Variants in MPZL1 observed in about 807,000 individuals in gnomAD.
MPZL1 encodes the protein myelin protein zero like 1.
In MPZL1, 16 loss-of-function variants were observed where a neutral mutation model predicts 29.3. The ratio of observed to expected loss-of-function variants is 0.55; its 90% CI spans 0.37 to 0.83. The LOEUF (loss-of-function observed/expected upper bound fraction) is 0.83, where lower values mean the gene tolerates loss of function less well. Among genes scored for constraint, MPZL1 ranks in the 40% least tolerant of loss-of-function variants. The pLI, the probability that MPZL1 is intolerant of heterozygous loss-of-function variation, is 0.00. For synonymous variants in MPZL1, 143 were observed against 132.0 expected (o/e 1.08, Z -0.57); for missense variants, 279 against 332.9 (o/e 0.84, Z 1.26).
intron 2 of MPZL1, among the ~76,000 whole-genome samples, chr1:167,771,497 G>A (rs1478585268): frequency 6.6e-6 from 1 of 152,032 alleles, no homozygotes; most frequent in African/African-American, 2.4e-5. Flanking sequence ...CGTTCTCAAT[G>A]GTCGCTGTCT....
At chr1:167,744,577 G>T (rs1000314833) in intron 1 of MPZL1, among the ~76,000 whole-genome samples, 1 of 151,622 alleles carries the variant, frequency 6.6e-6, no homozygotes, top group Non-Finnish European at 1.5e-5. Flanking sequence ...CCAGCTACTT[G>T]GGAGGCTGAG....
chr1:167,727,822 C>A (rs12566176), intron 1 of MPZL1, among the ~76,000 whole-genome samples: 25,559 of 151,452 alleles, frequency 0.17, 2,236 homozygotes, highest in East Asian at 0.2. Context: ...ATCTTTATAT[C>A]TTTGCCTTTA....
Position 167,789,131 on chromosome 1 carries a change from T to C in MPZL1, c.*1210T>C, listed in dbSNP as rs1390471084. On this transcript the variant is annotated 3_prime_UTR_variant, in exon 6 of 6. Coordinates refer to ENST00000359523, the MANE Select transcript of MPZL1 (RefSeq NM_003953.6). ...TGTTGAGGTTAATGAGAGCCTAGAT[T>C]AGACAGTTTGGCTGTCCTTCCCTAA... 6.6e-6 allele frequency: 1 copy of C among 152,196 alleles called. No individual in the cohort carries two copies. Among genetic ancestry groups the C allele is most frequent in the Admixed American group, 6.5e-5 (1 of 15,278 alleles). The allele number at this position is 152,196 out of a possible 1,614,324, so 9.4% of individuals were successfully genotyped here.
At chr1:167,756,432 T>A (rs1660870745) in intron 1 of MPZL1, among the ~76,000 whole-genome samples, 1 of 74,920 alleles carries the variant, frequency 1.3e-5, no homozygotes, top group African/African-American at 6.2e-5. Context: ...TGGCCAGATT[T>A]TTTTTTTTTT....
chr1:167,791,285 G>C lies in MPZL1; in HGVS notation c.*3364G>C, dbSNP rs10753763. 0.81 allele frequency: 123,380 copies of C among 152,254 alleles called. 50,250 individuals are homozygous for C. Among genetic ancestry groups the C allele is most frequent in the African/African-American group, 0.89 (36,967 of 41,532 alleles). The allele number at this position is 152,254 out of a possible 1,614,324, so 9.4% of individuals were successfully genotyped here. A position where few individuals can be genotyped will look rare whatever the true frequency, so the allele number is the denominator to read the frequency against. On this transcript the variant is annotated 3_prime_UTR_variant, in exon 6 of 6. Transcript: ENST00000359523. Reference sequence around the variant, plus strand: ...CACTTAGCTGCTCAATACATGTTACGTGGATGGATGAGTAGGTGGAAGCAT... The same window carrying C: ...CACTTAGCTGCTCAATACATGTTACCTGGATGGATGAGTAGGTGGAAGCAT...
At chr1:167,726,345 G>A (rs1660145962) in intron 1 of MPZL1, among the ~76,000 whole-genome samples, 1 of 152,078 alleles carries the variant, frequency 6.6e-6, no homozygotes, top group Non-Finnish European at 1.5e-5. Context: ...CTTCCTTATT[G>A]TAATTTCTAT....
At chr1:167,758,284 G>A (rs541392627) in intron 1 of MPZL1, among the ~76,000 whole-genome samples, 1 of 152,236 alleles carries the variant, frequency 6.6e-6, no homozygotes, top group African/African-American at 2.4e-5. Flanking sequence ...TGCTGTGAAC[G>A]TGTTTATTTG....
At chr1:167,770,376 C>A (rs1571164007) in intron 2 of MPZL1, among the ~76,000 whole-genome samples, 1 of 152,216 alleles carries the variant, frequency 6.6e-6, no homozygotes, top group South Asian at 2.1e-4. Flanking sequence ...TGGGCCTTAA[C>A]CCTGCTTCCA....
At chr1:167,736,622 C>T (rs903191910) in intron 1 of MPZL1, among the ~76,000 whole-genome samples, 2 of 152,196 alleles carry the variant, frequency 1.3e-5, no homozygotes, top group South Asian at 2.1e-4. Context: ...TTCCTCACCT[C>T]ACCTCCCTGG....
intron 2 of MPZL1, among the ~76,000 whole-genome samples, chr1:167,770,764 TG>T (rs1205640278): frequency 6.6e-6 from 1 of 152,204 alleles, no homozygotes; most frequent in Non-Finnish European, 1.5e-5. Flanking sequence ...AATTTTACTC[TG>T]GGTCCCCAAT....
chr1:167,739,900 C>T lies in MPZL1; in HGVS notation c.91+17658C>T, dbSNP rs189279708. Among the ~76,000 whole-genome samples, 141 of 152,260 alleles carry T rather than the reference C, an allele frequency of 9.3e-4. 1 individual carries two copies. Among genetic ancestry groups the T allele is most frequent in the African/African-American group, 3.2e-3 (135 of 41,546 alleles). On this transcript the variant is annotated intron_variant, in intron 1 of 5. Coordinates refer to ENST00000359523, the MANE Select transcript of MPZL1 (RefSeq NM_003953.6). Reference sequence around the variant, plus strand: ...ACCATATCCTTTTATAGTTTCACTACGACAGTTTCTGGAGCTCATCAAGTC... The same window carrying T: ...ACCATATCCTTTTATAGTTTCACTATGACAGTTTCTGGAGCTCATCAAGTC...
At chr1:167,786,760 CT>C (rs1285646616) in intron 5 of MPZL1, among the ~76,000 whole-genome samples, 3 of 152,136 alleles carry the variant, frequency 2.0e-5, no homozygotes, top group African/African-American at 7.2e-5. Flanking sequence ...AAACCACGTG[CT>C]TTTGGCTATT....
chr1:167,722,419 G>T (rs1053496502), intron 1 of MPZL1, among the ~76,000 whole-genome samples, 177 bp downstream of exon 1: 1 of 152,226 alleles, frequency 6.6e-6, no homozygotes. Context: ...GGGCCTCCGC[G>T]ACTGGCCGGG....
chr1:167,742,067 T>C (rs1389723047), intron 1 of MPZL1, among the ~76,000 whole-genome samples: 1 of 149,978 alleles, frequency 6.7e-6, no homozygotes, highest in Non-Finnish European at 1.5e-5. Flanking sequence ...TCAAGGCAAG[T>C]GTATCACCTG....
At chr1:167,730,301 C>A (rs1222966954) in intron 1 of MPZL1, among the ~76,000 whole-genome samples, 1 of 151,276 alleles carries the variant, frequency 6.6e-6, no homozygotes, top group Non-Finnish European at 1.5e-5. Context: ...TTTTTTGAGG[C>A]AGAGTCTCTT....
At chr1:167,768,669 G>C (rs888366984) in intron 2 of MPZL1, among the ~76,000 whole-genome samples, 1 of 152,158 alleles carries the variant, frequency 6.6e-6, no homozygotes, top group Non-Finnish European at 1.5e-5. Flanking sequence ...TCCTCAGTTT[G>C]ATTCAGCAAA....
intron 1 of MPZL1, among the ~76,000 whole-genome samples, chr1:167,759,337 A>C (rs1660932685): frequency 6.6e-6 from 1 of 152,210 alleles, no homozygotes; most frequent in Non-Finnish European, 1.5e-5. Flanking sequence ...GAGCTATCTG[A>C]ATTCAACAAT....
intron 1 of MPZL1, 141 bp downstream of exon 1, chr1:167,722,383 G>C: frequency 2.5e-6 from 3 of 1,213,218 alleles, no homozygotes; most frequent in Non-Finnish European, 3.1e-6. Context: ...CTCTGGGGCC[G>C]AGGGGACCCA....
At chr1:167,779,986 G>C (rs1244827939) in intron 5 of MPZL1, among the ~76,000 whole-genome samples, 2 of 152,154 alleles carry the variant, frequency 1.3e-5, no homozygotes, top group African/African-American at 4.8e-5. Context: ...TGATGATAAA[G>C]CGATCTACTT....
Sources: allele counts gnomAD v4.1 joint callset (sites outside exome capture counted in the v4.1 genomes callset), GRCh38; gene constraint gnomAD v4.1.1; transcripts MANE v1.5; gene names NCBI Gene and HGNC (gene_info 2026-07-23, HGNC 2026-07-21).